ESRRG: variants seen among roughly 807,000 people sequenced by gnomAD.
The protein encoded by ESRRG is estrogen related receptor gamma, also known as estrogen-related receptor gamma.
ESRRG carries 13 observed loss-of-function variants against 44.0 expected under a neutral mutation model. That is an observed-to-expected ratio of 0.30 (90% CI 0.19 to 0.47). ESRRG has a LOEUF of 0.47. Among genes scored for constraint, ESRRG ranks in the 20% least tolerant of loss-of-function variants. The pLI is 1.00. For synonymous variants in ESRRG, 215 were observed against 214.6 expected (o/e 1.00, Z -0.02); for missense variants, 395 against 580.6 (o/e 0.68, Z 3.29).
At chr1:216,533,873 T>C (rs977635144) in intron 5 of ESRRG, among the ~76,000 whole-genome samples, 37 of 152,138 alleles carry the variant, frequency 2.4e-4, no homozygotes, top group African/African-American at 8.4e-4. Flanking sequence ...AGGATCATTA[T>C]GCAATGTAAT....
intron 3 of ESRRG, among the ~76,000 whole-genome samples, chr1:216,605,785 T>C (rs1187582156): frequency 6.6e-6 from 1 of 150,948 alleles, no homozygotes; most frequent in Non-Finnish European, 1.5e-5. Context: ...TCAATGAAAC[T>C]ATGAAAGAGA....
At position 216,504,174 on chromosome 1, in the gene ESRRG, T is replaced by C. The variant is rs1210613273; in HGVS notation, c.*2765A>G. 1 of 152,416 alleles carries C rather than the reference T, an allele frequency of 6.6e-6. No homozygotes were observed. The highest frequency in any genetic ancestry group is 6.5e-5 in the Admixed American group (1 of 15,278). 9.4% of individuals were successfully genotyped at this position (152,416 alleles called of 1,614,324 possible). On this transcript the variant is annotated 3_prime_UTR_variant, in exon 7 of 7. Coordinates refer to ENST00000408911, the MANE Select transcript of ESRRG (RefSeq NM_001438.4). ...CTGAAGCCCAAGTACTTTAATGTGA[T>C]ACAGTGAAAACAATGTATATATTGT... is the stretch of plus-strand genomic sequence containing the variant.
intron 1 of ESRRG, among the ~76,000 whole-genome samples, chr1:217,085,842 A>C (rs2092057182): frequency 6.6e-6 from 1 of 152,090 alleles, no homozygotes; most frequent in African/African-American, 2.4e-5. Context: ...ATCCACTAGC[A>C]TGAGAGGGTG....
At chr1:216,921,368 GT>G (rs765607887) in intron 2 of ESRRG, among the ~76,000 whole-genome samples, 9 of 152,144 alleles carry the variant, frequency 5.9e-5, no homozygotes. Flanking sequence ...ACTTCTCAAG[GT>G]TTGAAATGTA....
intron 1 of ESRRG, among the ~76,000 whole-genome samples, chr1:217,075,848 T>C (rs1359330317): frequency 6.6e-6 from 1 of 152,160 alleles, no homozygotes; most frequent in Non-Finnish European, 1.5e-5. Context: ...ATCTGGAGTG[T>C]ATGTAGAGGG....
At chr1:216,647,225 A>T (rs1462079265) in intron 3 of ESRRG, among the ~76,000 whole-genome samples, 2 of 152,198 alleles carry the variant, frequency 1.3e-5, no homozygotes, top group African/African-American at 4.8e-5. Context: ...TTGAGACCAG[A>T]TATCATATAA....
chr1:216,654,247 A>G (rs1209851889), intron 2 of ESRRG, among the ~76,000 whole-genome samples: 1 of 152,168 alleles, frequency 6.6e-6, no homozygotes, highest in African/African-American at 2.4e-5. Context: ...GTTATAATGC[A>G]GTGTCACAGG....
chr1:216,941,082 G>A (rs1560195891), intron 1 of ESRRG, among the ~76,000 whole-genome samples: 1 of 152,136 alleles, frequency 6.6e-6, no homozygotes, highest in Non-Finnish European at 1.5e-5. Flanking sequence ...ACTCATGAGA[G>A]AGACAGGAGG....
rs191725072 is a variant in ESRRG at position 216,715,233 on chromosome 1, G to T, written c.56+8011C>A. 4.1e-4 allele frequency: 408 copies of T among 985,234 alleles called. 1 individual carries two copies. In the South Asian group the frequency reaches 4.4e-3, roughly 11 times the overall value. The allele number at this position is 985,234 out of a possible 1,614,324, so 61.0% of individuals were successfully genotyped here. ...ACACTATGATCCCATGACTGATGAG[G>T]CAGGTCTCATTCAAGTCTATGGATA... On this transcript the variant is annotated intron_variant, in intron 1 of 6. Transcript: ENST00000408911.
intron 2 of ESRRG, among the ~76,000 whole-genome samples, chr1:216,743,692 A>T (rs12403401): frequency 6.6e-6 from 1 of 152,038 alleles, no homozygotes; most frequent in Admixed American, 6.6e-5. Context: ...AACACTCATC[A>T]TCATCACTGT....
At chr1:216,655,655 C>T (rs1203290087) in intron 2 of ESRRG, among the ~76,000 whole-genome samples, 2 of 152,148 alleles carry the variant, frequency 1.3e-5, no homozygotes, top group African/African-American at 4.8e-5. Context: ...TATTTTCTTT[C>T]AATAAAGTTG....
chr1:216,649,509 TATAC>T (rs1559020437), intron 3 of ESRRG, among the ~76,000 whole-genome samples: 1 of 145,312 alleles, frequency 6.9e-6, no homozygotes, highest in Non-Finnish European at 1.6e-5. Flanking sequence ...TATATATACA[TATAC>T]ACACACACAC....
At chr1:217,051,611 A>G (rs1413997309) in intron 1 of ESRRG, among the ~76,000 whole-genome samples, 2 of 152,170 alleles carry the variant, frequency 1.3e-5, no homozygotes. Flanking sequence ...CATTTTCTGT[A>G]TTAAGAGGTG....
At chr1:216,563,545 C>T (rs774753339) in intron 5 of ESRRG, among the ~76,000 whole-genome samples, 1 of 152,022 alleles carries the variant, frequency 6.6e-6, no homozygotes, top group Non-Finnish European at 1.5e-5. Context: ...TCTGAAAATT[C>T]AACTCCAAAC....
At chr1:216,927,915 G>A (rs988131198) in intron 2 of ESRRG, among the ~76,000 whole-genome samples, 2 of 152,196 alleles carry the variant, frequency 1.3e-5, no homozygotes, top group African/African-American at 4.8e-5. Context: ...AAGTTGTTAA[G>A]GGAAAAGAGT....
chr1:216,677,425 C>T lies in ESRRG; in HGVS notation c.123G>A (p.Thr41=), dbSNP rs145976074. Residue 41 remains threonine (T), a synonymous_variant, in exon 2 of 7, where the codon ACG becomes ACA. Transcript: ENST00000408911. ...TCAGGGAGGCTGGGCTGGAAGGTTCCGTCTTGATGAAGGACGAACAGCTGG... is the reference window on the plus strand; with the variant it reads ...TCAGGGAGGCTGGGCTGGAAGGTTCTGTCTTGATGAAGGACGAACAGCTGG... ...IDSSCSSFIK[T]EPSSPASLTD... 3.8e-5 allele frequency: 62 copies of T among 1,613,952 alleles called. No homozygotes were observed. Among genetic ancestry groups the T allele is most frequent in the African/African-American group, 8.0e-5 (6 of 74,890 alleles).
Position 216,520,306 on chromosome 1 carries a change from A to T in ESRRG, c.863-885T>A, listed in dbSNP as rs1486038592. 3.3e-5 allele frequency among the ~76,000 whole-genome samples: 5 copies of T among 152,044 alleles called. 1 individual carries two copies. The highest frequency in any genetic ancestry group is 1.2e-4 in the African/African-American group (5 of 41,420). Reference sequence around the variant, plus strand: ...TCACCTACCTAAACATTAAGCTATAACCTGAAATTCAGTAAGTGTTGTTGT... The same window carrying T: ...TCACCTACCTAAACATTAAGCTATATCCTGAAATTCAGTAAGTGTTGTTGT... On this transcript the variant is annotated intron_variant, in intron 5 of 6. Transcript: ENST00000408911.
intron 3 of ESRRG, among the ~76,000 whole-genome samples, chr1:216,615,885 C>T (rs1015135085): frequency 1.1e-4 from 17 of 151,984 alleles, no homozygotes; most frequent in Non-Finnish European, 2.2e-4. Flanking sequence ...AGGGTTTCTC[C>T]ATATGGGTCA....
chr1:216,551,767 T>C (rs1443644510), intron 5 of ESRRG, among the ~76,000 whole-genome samples: 1 of 152,208 alleles, frequency 6.6e-6, no homozygotes, highest in Non-Finnish European at 1.5e-5. Context: ...TGCAGAGAGA[T>C]ATAGTAGAGA....
Sources: gnomAD v4.1 joint callset for allele counts (sites outside exome capture counted in the v4.1 genomes callset) on GRCh38, gnomAD v4.1.1 for gene constraint, MANE v1.5 for transcripts, NCBI Gene and HGNC (gene_info 2026-07-23, HGNC 2026-07-21) for gene names.